The following WDR49 variants were observed in gnomAD, a reference collection of about 807,000 sequenced individuals.
WDR49 encodes the protein WD repeat domain 49, also known as cilia- and flagella-associated protein 337.
In WDR49, 107 loss-of-function variants were observed where a neutral mutation model predicts 119.5. The ratio of observed to expected loss-of-function variants is 0.90; its 90% CI spans 0.77 to 1.05. The LOEUF (loss-of-function observed/expected upper bound fraction) is 1.05, where lower values mean the gene tolerates loss of function less well. WDR49 is among the 50% of genes least tolerant of loss of function. The pLI, the probability that WDR49 is intolerant of heterozygous loss-of-function variation, is 0.00. For synonymous variants in WDR49, 425 were observed against 418.8 expected, an observed-to-expected ratio of 1.01 and a Z score of -0.18; for missense variants, 1,240 against 1,220.5, an observed-to-expected ratio of 1.02 and a Z score of -0.24.
chr3:167,494,350 C>T (rs918210236), intron 18 of WDR49, among the ~76,000 whole-genome samples: 6 of 152,094 alleles, frequency 3.9e-5, no homozygotes, highest in Admixed American at 1.3e-4. Flanking sequence ...GTTTTCAGAA[C>T]GCTTTCTAAA....
intron 7 of WDR49, among the ~76,000 whole-genome samples, chr3:167,597,505 G>T (rs962725989): frequency 1.3e-5 from 2 of 152,186 alleles, no homozygotes; most frequent in Non-Finnish European, 2.9e-5. Context: ...GGAGCTGTGA[G>T]AAGAGGGCCA....
At chr3:167,609,649 T>A (rs1437603158) in intron 5 of WDR49, among the ~76,000 whole-genome samples, 1 of 152,174 alleles carries the variant, frequency 6.6e-6, no homozygotes, top group Non-Finnish European at 1.5e-5. Flanking sequence ...TGAGTCCTTG[T>A]GTGGAACTAG....
intron 17 of WDR49, among the ~76,000 whole-genome samples, chr3:167,503,825 G>A (rs1751669795): frequency 6.6e-6 from 1 of 152,212 alleles, no homozygotes; most frequent in Non-Finnish European, 1.5e-5. Context: ...CCCATACAAA[G>A]GGAGGGGACC....
chr3:167,598,080 G>A (rs1263402770), intron 7 of WDR49, among the ~76,000 whole-genome samples: 1 of 152,120 alleles, frequency 6.6e-6, no homozygotes, highest in Non-Finnish European at 1.5e-5. Context: ...GCTGAGGTGG[G>A]CAGATCACGA....
At chr3:167,584,776 A>C (rs1214743819) in intron 7 of WDR49, among the ~76,000 whole-genome samples, 1 of 152,144 alleles carries the variant, frequency 6.6e-6, no homozygotes, top group Non-Finnish European at 1.5e-5. Context: ...AAAAATAATC[A>C]ACAATAGAAA....
chr3:167,650,634 TAA>T, intron 2 of WDR49, among the ~76,000 whole-genome samples: 1 of 152,198 alleles, frequency 6.6e-6, no homozygotes, highest in Non-Finnish European at 1.5e-5. Flanking sequence ...CTTCCACAAC[TAA>T]TAGGAATGAA....
At chr3:167,543,981 T>C (rs1712004242) in intron 10 of WDR49, among the ~76,000 whole-genome samples, 1 of 151,520 alleles carries the variant, frequency 6.6e-6, no homozygotes, top group South Asian at 2.1e-4. Context: ...AAAATCAATA[T>C]ATAGAAATTG....
intron 10 of WDR49, 78 bp from the exon 11 acceptor site, chr3:167,537,078 A>C: frequency 7.4e-7 from 1 of 1,351,862 alleles, no homozygotes; most frequent in Non-Finnish European, 9.7e-7. Context: ...CACTTGAATG[A>C]TGTGATCCAA....
In WDR49 at chr3:167,639,569, T is replaced by C. The variant is rs1050786144; in HGVS notation, c.166-12277A>G. Reference sequence around the variant, plus strand: ...GAATGTATACTCCCAAATAATCTCATACTGTTTTGATAAAAGCTATCTATT... The same window carrying C: ...GAATGTATACTCCCAAATAATCTCACACTGTTTTGATAAAAGCTATCTATT... On this transcript the variant is annotated intron_variant, in intron 2 of 18. Coordinates refer to ENST00000682715, the MANE Select transcript of WDR49 (RefSeq NM_001366157.1). Among the ~76,000 whole-genome samples, 6 of 151,926 alleles carry C rather than the reference T, an allele frequency of 3.9e-5. No homozygotes were observed. The East Asian group carries it at 1.2e-3, about 29-fold the overall frequency.
At chr3:167,522,599 G>T in intron 15 of WDR49, 115 bp from the exon 16 acceptor site, 1 of 1,064,134 alleles carries the variant, frequency 9.4e-7, no homozygotes, top group Non-Finnish European at 1.3e-6. Context: ...GGACACACAA[G>T]AAGATGAAAA....
chr3:167,546,780 T>C (rs2108258840), intron 10 of WDR49, among the ~76,000 whole-genome samples: 1 of 151,780 alleles, frequency 6.6e-6, no homozygotes, highest in South Asian at 2.1e-4. Flanking sequence ...AAACTTATCA[T>C]GTAAAAATTG....
At chr3:167,611,977 C>G (rs772164420) in intron 5 of WDR49, among the ~76,000 whole-genome samples, 1 of 152,086 alleles carries the variant, frequency 6.6e-6, no homozygotes, top group East Asian at 1.9e-4. Context: ...CACTATGGAC[C>G]AAGTGGATCC....
At chr3:167,542,102 C>T (rs1490245483) in intron 10 of WDR49, among the ~76,000 whole-genome samples, 3 of 151,850 alleles carry the variant, frequency 2.0e-5, no homozygotes, top group East Asian at 1.9e-4. Flanking sequence ...ATCCTAAATA[C>T]ATATGCGCCC....
chr3:167,483,738 C>A (rs1160452815), intron 18 of WDR49, among the ~76,000 whole-genome samples: 6 of 151,968 alleles, frequency 3.9e-5, no homozygotes, highest in African/African-American at 1.2e-4. Context: ...AAATGCTTAC[C>A]TGGAAATGAT....
chr3:167,491,086 T>C (rs1751115335), intron 18 of WDR49, among the ~76,000 whole-genome samples: 1 of 152,086 alleles, frequency 6.6e-6, no homozygotes, highest in Non-Finnish European at 1.5e-5. Flanking sequence ...CCCAGGATCG[T>C]TGGGACTTCA....
At position 167,601,593 on chromosome 3, in the gene WDR49, G is replaced by A. The variant is rs572838340; in HGVS notation, c.1275+534C>T. Reference sequence around the variant, plus strand: ...TGTCAGGATTCAACCTGGACTCTACGGCTCTAGTGCCATATTTTTTTTTCC... The same window carrying A: ...TGTCAGGATTCAACCTGGACTCTACAGCTCTAGTGCCATATTTTTTTTTCC... On this transcript the variant is annotated intron_variant, in intron 7 of 18. Transcript: ENST00000682715. Among the ~76,000 whole-genome samples the A allele has an allele frequency of 4.6e-5, 7 of 151,958 alleles. 1 individual carries two copies. In the South Asian group the frequency reaches 1.0e-3, roughly 23 times the overall value.
chr3:167,563,744 T>C (rs1244923272), intron 8 of WDR49, among the ~76,000 whole-genome samples: 3 of 152,218 alleles, frequency 2.0e-5, no homozygotes, highest in Non-Finnish European at 4.4e-5. Flanking sequence ...ATTATTTCTT[T>C]ATGTTGAAAC....
Position 167,505,310 on chromosome 3 carries a change from A to G in WDR49, c.2881T>C (p.Phe961Leu). ...PYYGEVIKKS[F>L]STFRSLNIGA... ...ATTAACAACAGTGACTACTTACTGAATGATTTTTTTATAACTTCACCATAA... is the reference window on the plus strand; with the variant it reads ...ATTAACAACAGTGACTACTTACTGAGTGATTTTTTTATAACTTCACCATAA... Residue 961 changes from phenylalanine to leucine, a missense_variant, in exon 17 of 19, where the codon TTC becomes CTC. Phe to Leu is a conservative substitution (Grantham distance 22). Coordinates refer to ENST00000682715, the MANE Select transcript of WDR49 (RefSeq NM_001366157.1). 1 of 1,506,312 alleles carries G rather than the reference A, an allele frequency of 6.6e-7. No individual in the cohort carries two copies. The highest frequency in any genetic ancestry group is 8.8e-7 in the Non-Finnish European group (1 of 1,135,566). 93.3% of individuals were successfully genotyped at this position (1,506,312 alleles called of 1,614,324 possible). A position where few individuals can be genotyped will look rare whatever the true frequency, so the allele number is the denominator to read the frequency against.
At chr3:167,499,603 G>C (rs1210073620) in intron 18 of WDR49, among the ~76,000 whole-genome samples, 2 of 152,102 alleles carry the variant, frequency 1.3e-5, no homozygotes, top group African/African-American at 4.8e-5. Context: ...ATAATAGTCT[G>C]AAAAATAAAG....
Sources: gnomAD v4.1 joint callset for allele counts (sites outside exome capture counted in the v4.1 genomes callset) on GRCh38, gnomAD v4.1.1 for gene constraint, MANE v1.5 for transcripts, NCBI Gene and HGNC (gene_info 2026-07-23, HGNC 2026-07-21) for gene names.